Variants in ABCA1 observed in about 807,000 individuals in gnomAD.
The protein encoded by ABCA1 is ATP binding cassette subfamily A member 1, also known as phospholipid-transporting ATPase ABCA1.
A neutral mutation model predicts 262.5 loss-of-function variants in ABCA1; 133 were observed. That is an observed-to-expected ratio of 0.51 (90% CI 0.44 to 0.59). ABCA1 has a LOEUF of 0.59. ABCA1 is among the 20% of genes least tolerant of loss of function. The pLI, the probability that ABCA1 is intolerant of heterozygous loss-of-function variation, is 0.00. For synonymous variants in ABCA1, 1,022 were observed against 1,043.5 expected, an observed-to-expected ratio of 0.98 and a Z score of 0.40; for missense variants, 2,452 against 2,777.5, an observed-to-expected ratio of 0.88 and a Z score of 2.63.
intron 5 of ABCA1, among the ~76,000 whole-genome samples, chr9:104,880,033 A>G (rs997174137): frequency 6.6e-6 from 1 of 152,270 alleles, no homozygotes; most frequent in Non-Finnish European, 1.5e-5. Flanking sequence ...TCTAGAAAGC[A>G]TAACAGGGTG....
At chr9:104,924,900 C>T (rs927876160) in intron 1 of ABCA1, among the ~76,000 whole-genome samples, 2 of 152,144 alleles carry the variant, frequency 1.3e-5, no homozygotes, top group African/African-American at 2.4e-5. Flanking sequence ...AAGGTAAGTA[C>T]TACAGAAGAT....
Position 104,819,917 on chromosome 9 carries a change from T to G in ABCA1, c.3103+10A>C. The G allele has an allele frequency of 6.2e-7, 1 of 1,612,268 alleles. No individual in the cohort carries two copies. The highest frequency in any genetic ancestry group is 8.5e-7 in the Non-Finnish European group (1 of 1,179,916). ...GGGAGAGGGATAGGGAAGGTAGCTC[T>G]GGGCCGCACCTGACAGCTGGCTTGT... is the stretch of plus-strand genomic sequence containing the variant. On this transcript the variant is annotated intron_variant, in intron 21 of 49. Transcript: ENST00000374736.
At chr9:104,924,920 C>T (rs1842346129) in intron 1 of ABCA1, among the ~76,000 whole-genome samples, 1 of 152,168 alleles carries the variant, frequency 6.6e-6, no homozygotes, top group African/African-American at 2.4e-5. Flanking sequence ...TAATAAAAAG[C>T]TAAGTCACTG....
chr9:104,782,988 C>G lies in ABCA1; in HGVS notation c.*1327G>C, dbSNP rs202165873. On this transcript the variant is annotated 3_prime_UTR_variant, in exon 50 of 50. Coordinates refer to ENST00000374736, the MANE Select transcript of ABCA1 (RefSeq NM_005502.4). ...GACTTAATATCTCTCTAGTCTTATA[C>G]GTACGTACATACTCTTTCAGCTACA... 6.6e-6 allele frequency: 1 copy of G among 152,540 alleles called. No homozygotes were observed. Among genetic ancestry groups the G allele is most frequent in the South Asian group, 2.1e-4 (1 of 4,830 alleles). The allele number at this position is 152,540 out of a possible 1,614,324, so 9.4% of individuals were successfully genotyped here. A position where few individuals can be genotyped will look rare whatever the true frequency, so the allele number is the denominator to read the frequency against.
intron 3 of ABCA1, among the ~76,000 whole-genome samples, chr9:104,885,877 T>C (rs1588506111): frequency 6.6e-6 from 1 of 152,158 alleles, no homozygotes; most frequent in African/African-American, 2.4e-5. Flanking sequence ...CTCTAGGTGG[T>C]GAAGAACAAG....
At position 104,796,118 on chromosome 9, in the gene ABCA1, C is replaced by A; in HGVS notation, c.5317G>T (p.Val1773Leu). 1.9e-6 allele frequency: 3 copies of A among 1,613,798 alleles called. No individual in the cohort carries two copies. The highest frequency in any genetic ancestry group is 1.7e-4 in the Middle Eastern group (1 of 5,722). Residue 1773 changes from valine (V) to leucine (L), a missense_variant, in exon 39 of 50, where the codon GTG becomes TTG. Around this residue, in one of 4 missense-constraint regions of ABCA1, gnomAD observed 752 missense variants for 944.5 expected, o/e 0.80. Coordinates refer to ENST00000374736, the MANE Select transcript of ABCA1 (RefSeq NM_005502.4). ...PSTAYVVLTSVNLFIGINGSV... is the reference protein window; with the variant it reads ...PSTAYVVLTSLNLFIGINGSV... ...CCATTAATGCCAATGAAGAGGTTCA[C>A]GCTGGTGAGCACCACATAGGCTGTG...
At chr9:104,816,854 G>A (rs1831820354) in intron 24 of ABCA1, among the ~76,000 whole-genome samples, 1 of 152,278 alleles carries the variant, frequency 6.6e-6, no homozygotes, top group South Asian at 2.1e-4. Context: ...CCTGGGAAAA[G>A]CCAGCCATTA....
intron 9 of ABCA1, among the ~76,000 whole-genome samples, chr9:104,837,860 A>ATTGAGT (rs1833960943): frequency 6.6e-6 from 1 of 152,218 alleles, no homozygotes; most frequent in African/African-American, 2.4e-5. Context: ...ATAACTCACG[A>ATTGAGT]CTGAGCTGAT....
chr9:104,812,646 C>T lies in ABCA1; in HGVS notation c.3978G>A (p.Gln1326=), dbSNP rs1319430165. The T allele has an allele frequency of 1.9e-6, 3 of 1,614,246 alleles. No individual in the cohort carries two copies. The part of the protein sequence containing the change: ...SYQVKGWKLT[Q]QQFVALLWKR... The stretch of plus-strand genomic sequence containing the variant: ...TCCACAAAAGGGCCACAAACTGTTG[C>T]TGTGTAAGTTTCCAGCCTTTCACCT... The change falls in exon 28 of 50, where the codon CAG becomes CAA. Residue 1326 remains glutamine, a synonymous_variant. Transcript: ENST00000374736.
chr9:104,835,208 A>G (rs1833702135), intron 11 of ABCA1, among the ~76,000 whole-genome samples: 1 of 150,550 alleles, frequency 6.6e-6, no homozygotes, highest in South Asian at 2.1e-4. Flanking sequence ...AGATCATGCC[A>G]CTGCATTTCA....
intron 15 of ABCA1, 142 bp from the exon 16 acceptor site, chr9:104,827,311 A>C (rs980848652): frequency 4.0e-6 from 3 of 757,122 alleles, no homozygotes; most frequent in Non-Finnish European, 6.9e-6. Context: ...CTTTCTGATG[A>C]GGCAACTGAT....
Position 104,800,602 on chromosome 9 carries a change from C to G in ABCA1, c.4699-18G>C, listed in dbSNP as rs372139962. 283 of 1,613,016 alleles carry G rather than the reference C, an allele frequency of 1.8e-4. No individual in the cohort carries two copies. Among genetic ancestry groups the G allele is most frequent in the Non-Finnish European group, 2.3e-4 (273 of 1,179,060 alleles). On this transcript the variant is annotated intron_variant, in intron 34 of 49. Transcript: ENST00000374736. ...GAACTGTCCTGTAAACAACAGAAAC[C>G]TGCCTCAGTTGTGACTGTTCACATA...
intron 42 of ABCA1, among the ~76,000 whole-genome samples, chr9:104,792,548 G>A (rs774416640): frequency 2.0e-5 from 3 of 152,072 alleles, no homozygotes; most frequent in Non-Finnish European, 4.4e-5. Flanking sequence ...ACACATAAAT[G>A]TAAGCATATA....
At chr9:104,850,826 T>C (rs980217149) in intron 7 of ABCA1, among the ~76,000 whole-genome samples, 1 of 152,236 alleles carries the variant, frequency 6.6e-6, no homozygotes, top group East Asian at 1.9e-4. Context: ...CTCTTGGCTA[T>C]GAACTCACAT....
chr9:104,845,679 A>G (rs1469963949), intron 7 of ABCA1, 110 bp from the exon 8 acceptor site: 2 of 768,884 alleles, frequency 2.6e-6, no homozygotes, highest in Non-Finnish European at 4.4e-6. Flanking sequence ...TTAACAAACA[A>G]GAAACCGACT....
chr9:104,862,683 CCGGGCCGGGCCGGGCCGGCCCCCA>C (rs1836686174), intron 5 of ABCA1, among the ~76,000 whole-genome samples: 4 of 2,966 alleles, frequency 1.3e-3, no homozygotes, highest in Admixed American at 3.3e-3. Context: ...CCGGGCCGGG[CCGGGCCGGGCCGGGCCGGCCCCCA>C]CCCCCACCCC....
Position 104,817,453 on chromosome 9 carries a change from G to C in ABCA1, c.3463-49C>G. The C allele has an allele frequency of 6.2e-7, 1 of 1,601,754 alleles. No homozygotes were observed. On this transcript the variant is annotated intron_variant, in intron 23 of 49. Coordinates refer to ENST00000374736, the MANE Select transcript of ABCA1 (RefSeq NM_005502.4). The surrounding 1 kb of genome is among the most constrained non-coding windows in gnomAD (Gnocchi z 4.7). ...AACGGGTCAGGGACGGAGCAAGGCA[G>C]AGCCACCAGCACCTTCGCCGGGGAG...
At chr9:104,839,893 T>A (rs979767501) in intron 9 of ABCA1, among the ~76,000 whole-genome samples, 1 of 152,240 alleles carries the variant, frequency 6.6e-6, no homozygotes, top group East Asian at 1.9e-4. Context: ...TTATTCATCA[T>A]GTGAAACTGA....
Position 104,829,021 on chromosome 9 carries a change from G to C in ABCA1, c.2010C>G (p.Thr670=), listed in dbSNP as rs1162452813. 5 of 1,614,032 alleles carry C rather than the reference G, an allele frequency of 3.1e-6. No individual in the cohort carries two copies. The African/African-American group carries it at 4.0e-5, about 13-fold the overall frequency. ...VYEKEARLKE[T]MRIMGLDNSI... ...TGTTGTCCAGGCCCATGATCCGCAT[G>C]GTCTCTTTCAGCCGTGCCTCCTTCT... Residue 670 remains threonine, a synonymous_variant, in exon 15 of 50, where the codon ACC becomes ACG. Coordinates refer to ENST00000374736, the MANE Select transcript of ABCA1 (RefSeq NM_005502.4).
Sources: allele counts gnomAD v4.1 joint callset (sites outside exome capture counted in the v4.1 genomes callset), GRCh38; gene constraint gnomAD v4.1.1; regional missense constraint gnomAD v4.1.1; non-coding constraint Gnocchi (gnomAD v3.1); transcripts MANE v1.5; gene names NCBI Gene and HGNC (gene_info 2026-07-23, HGNC 2026-07-21).